Variants in DENND4C observed in about 807,000 individuals in gnomAD.
DENND4C encodes the protein DENN domain containing 4C.
In DENND4C, 108 loss-of-function variants were observed where a neutral mutation model predicts 203.0. The ratio of observed to expected loss-of-function variants is 0.53; its 90% CI spans 0.46 to 0.62. The LOEUF (loss-of-function observed/expected upper bound fraction) is 0.62. Ranked by LOEUF, DENND4C falls within the 20% of genes least tolerant of loss-of-function variation. DENND4C has a pLI of 0.00. For synonymous variants in DENND4C, 871 were observed against 792.4 expected (o/e 1.10, Z -1.67); for missense variants, 2,481 against 2,301.2 (o/e 1.08, Z -1.60).
rs1563850399 is a variant in DENND4C, at chr9:19,370,038, T to TA, written c.5675+58dup. On this transcript the variant is annotated intron_variant, in intron 31 of 32. Transcript: ENST00000434457. ...CCACCACTCAGTCATTTCATGTTTT[T>TA]AAAAAAATATCTTACTTTTAAAAAT... The TA allele has an allele frequency of 3.8e-6, 6 of 1,591,944 alleles. No homozygotes were observed. The East Asian group carries it at 6.7e-5, about 18-fold the overall frequency.
intron 1 of DENND4C, among the ~76,000 whole-genome samples, chr9:19,253,339 G>A (rs34043084): frequency 0.075 from 11,368 of 152,184 alleles, 483 homozygotes; most frequent in Middle Eastern, 0.13. Flanking sequence ...ACGCCTTTTA[G>A]GCATTTGTTA....
chr9:19,333,999 T>C (rs1022266314), intron 17 of DENND4C, among the ~76,000 whole-genome samples: 12 of 152,154 alleles, frequency 7.9e-5, no homozygotes, highest in African/African-American at 2.2e-4. Flanking sequence ...AGCATAGTGA[T>C]TGGGGAGAGA....
At chr9:19,321,360 G>A (rs1373438965) in intron 12 of DENND4C, among the ~76,000 whole-genome samples, 1 of 152,122 alleles carries the variant, frequency 6.6e-6, no homozygotes, top group Non-Finnish European at 1.5e-5. Flanking sequence ...AAGGTAGAGT[G>A]GGAGATATCA....
intron 10 of DENND4C, among the ~76,000 whole-genome samples, chr9:19,308,132 G>T (rs1840049667): frequency 1.3e-5 from 2 of 152,070 alleles, no homozygotes; most frequent in Non-Finnish European, 2.9e-5. Flanking sequence ...GATCTTTGAT[G>T]TTAGGAACAA....
At chr9:19,347,257 A>G (rs374111503) in intron 23 of DENND4C, among the ~76,000 whole-genome samples, 171 bp downstream of exon 23, 5 of 152,278 alleles carry the variant, frequency 3.3e-5, no homozygotes, top group East Asian at 3.9e-4. Context: ...CTCTTGCCTG[A>G]GTAGTTGGGT....
At chr9:19,325,593 C>T (rs1817649744) in intron 13 of DENND4C, among the ~76,000 whole-genome samples, 3 of 151,980 alleles carry the variant, frequency 2.0e-5, no homozygotes, top group Admixed American at 1.3e-4. Context: ...ATTGATATTC[C>T]AGTATCTTCC....
intron 10 of DENND4C, among the ~76,000 whole-genome samples, chr9:19,306,622 A>C (rs1051492688): frequency 5.9e-5 from 9 of 151,940 alleles, no homozygotes; most frequent in African/African-American, 2.2e-4. Flanking sequence ...ACCTTATTTT[A>C]TTTTTATTCT....
intron 12 of DENND4C, among the ~76,000 whole-genome samples, chr9:19,318,177 GGT>G (rs1842161310): frequency 6.6e-6 from 1 of 152,086 alleles, no homozygotes; most frequent in Non-Finnish European, 1.5e-5. Context: ...AAATTAGCCA[GGT>G]GTGGTGGTGT....
In DENND4C at chr9:19,372,253, A is replaced by G; in HGVS notation, c.*80A>G. On this transcript the variant is annotated 3_prime_UTR_variant, in exon 33 of 33. Coordinates refer to ENST00000434457, the MANE Select transcript of DENND4C (RefSeq NM_001330640.2). ...GAAACATTCAAGTTTTTTTTTCCAAATCGTAAGAACTGGTGAATACGGAAT... is the reference window on the plus strand; with the variant it reads ...GAAACATTCAAGTTTTTTTTTCCAAGTCGTAAGAACTGGTGAATACGGAAT... The G allele has an allele frequency of 6.5e-7, 1 of 1,529,828 alleles. No individual in the cohort carries two copies. The highest frequency in any genetic ancestry group is 8.8e-7 in the Non-Finnish European group (1 of 1,133,430). 94.8% of individuals were successfully genotyped at this position (1,529,828 alleles called of 1,614,324 possible). A position where few individuals can be genotyped will look rare whatever the true frequency, so the allele number is the denominator to read the frequency against.
rs146349652 is a variant in DENND4C, at chr9:19,285,998, A to G, written c.306-771A>G. Among the ~76,000 whole-genome samples, 1,212 of 152,274 alleles carry G rather than the reference A, an allele frequency of 8.0e-3. 20 individuals are homozygous for G. Among genetic ancestry groups the G allele is most frequent in the African/African-American group, 0.028 (1,169 of 41,546 alleles). On this transcript the variant is annotated intron_variant, in intron 2 of 32. Coordinates refer to ENST00000434457, the MANE Select transcript of DENND4C (RefSeq NM_001330640.2). ...GAAGTAGGGAAGTGTGAGTCCTCCA[A>G]CTTTCTTCTTTTTCCAGATTGCTTT...
At chr9:19,284,018 A>G (rs1255116652) in intron 2 of DENND4C, among the ~76,000 whole-genome samples, 1 of 152,180 alleles carries the variant, frequency 6.6e-6, no homozygotes, top group African/African-American at 2.4e-5. Flanking sequence ...AGAAATTTCA[A>G]ACATGTGAAA....
At chr9:19,276,748 T>G (rs1308573044) in intron 2 of DENND4C, 3 of 244,072 alleles carry the variant, frequency 1.2e-5, no homozygotes, top group Non-Finnish European at 2.3e-5. Flanking sequence ...AGTGTCATTT[T>G]GTTTCTGTTG....
intron 23 of DENND4C, among the ~76,000 whole-genome samples, 181 bp from the exon 24 acceptor site, chr9:19,350,521 C>T (rs1234857632): frequency 6.6e-6 from 1 of 152,068 alleles, no homozygotes; most frequent in African/African-American, 2.4e-5. Context: ...TTGCTTATGG[C>T]TTGAATGTCT....
rs1427887719 is a variant in DENND4C, at chr9:19,356,539, A to G, written c.4782-433A>G. Among the ~76,000 whole-genome samples the G allele has an allele frequency of 3.3e-5, 5 of 152,312 alleles. No individual in the cohort carries two copies. In the East Asian group the frequency reaches 9.6e-4, roughly 29 times the overall value. ...ATGATTAGAAACAAGATGGAGATTT[A>G]TAAGTGATAAAAGACATTATAAGTA... On this transcript the variant is annotated intron_variant, in intron 26 of 32. Coordinates refer to ENST00000434457, the MANE Select transcript of DENND4C (RefSeq NM_001330640.2).
intron 2 of DENND4C, among the ~76,000 whole-genome samples, chr9:19,282,704 T>G (rs1834333708): frequency 7.3e-6 from 1 of 137,858 alleles, no homozygotes; most frequent in Admixed American, 7.9e-5. Flanking sequence ...CTTTTTCTTT[T>G]TTTCTTCTCT....
At chr9:19,357,692 G>A (rs1449024798) in intron 27 of DENND4C, 2 of 301,718 alleles carry the variant, frequency 6.6e-6, no homozygotes, top group Admixed American at 4.5e-5. Flanking sequence ...TTTGAGTAAA[G>A]CAACTGAATG....
In DENND4C at chr9:19,341,307, C is replaced by CT. The variant is rs1369671422; in HGVS notation, c.3004+196dup. Among the ~76,000 whole-genome samples the CT allele has an allele frequency of 5.0e-3, 662 of 132,504 alleles. 12 individuals are homozygous for CT. Among genetic ancestry groups the CT allele is most frequent in the African/African-American group, 0.018 (629 of 34,552 alleles). The allele number at this position is 132,504 out of a possible 152,430, so 86.9% of individuals were successfully genotyped here. A position where few individuals can be genotyped will look rare whatever the true frequency, so the allele number is the denominator to read the frequency against. ...TTTAAAATTTAAGAGAACTTTCTTT[C>CT]TTTCTTTTTTTTTTTTTTTTTTTGA... On this transcript the variant is annotated intron_variant, in intron 21 of 32. Transcript: ENST00000434457.
chr9:19,316,686 C>T lies in DENND4C; in HGVS notation c.1654C>T (p.Gln552Ter). 1 of 1,614,030 alleles carries T rather than the reference C, an allele frequency of 6.2e-7. No individual in the cohort carries two copies. Among genetic ancestry groups the T allele is most frequent in the Non-Finnish European group, 8.5e-7 (1 of 1,179,990 alleles). The stretch of plus-strand genomic sequence containing the variant: ...TCCAATTGAAGCAGATTTCTCCTGG[C>T]AAAAGAAGATGACACAGCTTGAGAT... ...MTPIEADFSW[Q>*]KKMTQLEMEI... Residue 552 changes from glutamine (Q) to a stop codon, truncating the protein, a stop_gained, in exon 12 of 33, where the codon CAA becomes TAA. Transcript: ENST00000434457. LOFTEE classifies it high-confidence loss of function.
intron 1 of DENND4C, among the ~76,000 whole-genome samples, chr9:19,232,308 A>G (rs557703182): frequency 6.6e-6 from 1 of 151,834 alleles, no homozygotes; most frequent in South Asian, 2.1e-4. Flanking sequence ...CACTCAATCC[A>G]CACTTTCCTC....
Sources: gnomAD v4.1 joint callset for allele counts (sites outside exome capture counted in the v4.1 genomes callset) on GRCh38, gnomAD v4.1.1 for gene constraint, MANE v1.5 for transcripts, NCBI Gene and HGNC (gene_info 2026-07-23, HGNC 2026-07-21) for gene names.